The following RBM20 variants were observed in gnomAD, a reference collection of about 807,000 sequenced individuals.
The protein encoded by RBM20 is RNA-binding protein 20.
A neutral mutation model predicts 110.1 loss-of-function variants in RBM20; 51 were observed. The ratio of observed to expected loss-of-function variants is 0.46; its 90% CI spans 0.37 to 0.59. The LOEUF (loss-of-function observed/expected upper bound fraction) is 0.59, where lower values mean the gene tolerates loss of function less well. RBM20 is among the 20% of genes least tolerant of loss of function. The pLI, the probability that RBM20 is intolerant of heterozygous loss-of-function variation, is 0.00. For missense variants in RBM20, 1,512 were observed against 1,574.9 expected (o/e 0.96, Z 0.68); for synonymous variants, 589 against 618.2 (o/e 0.95, Z 0.70).
In RBM20 at chr10:110,802,009, A is replaced by C. The variant is rs150967895; in HGVS notation, c.1800+2091A>C. ...GCATTGTGTCTTCTTATTGGTTTGC[A>C]GGAGTTCTCTTAACTGGAGCACGTA... is the stretch of plus-strand genomic sequence containing the variant. On this transcript the variant is annotated intron_variant, in intron 7 of 13. Transcript: ENST00000369519. Among the ~76,000 whole-genome samples the C allele has an allele frequency of 1.7e-4, 26 of 152,200 alleles. No homozygotes were observed. The East Asian group carries it at 4.6e-3, about 27-fold the overall frequency.
intron 1 of RBM20, among the ~76,000 whole-genome samples, chr10:110,725,166 G>A (rs989329272): frequency 6.6e-6 from 1 of 152,214 alleles, no homozygotes; most frequent in Non-Finnish European, 1.5e-5. Context: ...GACCAAGAAT[G>A]TGCCAGAGTT....
rs572674173 is a variant in RBM20 at position 110,784,733 on chromosome 10, T to C, written c.1430-59T>C. On this transcript the variant is annotated intron_variant, in intron 4 of 13. Coordinates refer to ENST00000369519, the MANE Select transcript of RBM20 (RefSeq NM_001134363.3). ...TTTTCTATGCCTGCTTATGTCCTAA[T>C]AATGACTTTTGATGTTACATTCTGG... is the stretch of plus-strand genomic sequence containing the variant. 39 of 1,102,886 alleles carry C rather than the reference T, an allele frequency of 3.5e-5. No individual in the cohort carries two copies. The African/African-American group carries it at 4.8e-4, about 14-fold the overall frequency. The allele number at this position is 1,102,886 out of a possible 1,614,324, so 68.3% of individuals were successfully genotyped here. A position where few individuals can be genotyped will look rare whatever the true frequency, so the allele number is the denominator to read the frequency against.
chr10:110,673,246 C>T (rs1354768869), intron 1 of RBM20, among the ~76,000 whole-genome samples: 1 of 150,356 alleles, frequency 6.7e-6, no homozygotes, highest in Non-Finnish European at 1.5e-5. Context: ...GAGTCTTGTT[C>T]TGTTGCCCAG....
rs916644936 is a variant in RBM20 at position 110,837,564 on chromosome 10, T to G, written c.*1586T>G. 1 of 152,318 alleles carries G rather than the reference T, an allele frequency of 6.6e-6. No individual in the cohort carries two copies. Among genetic ancestry groups the G allele is most frequent in the Non-Finnish European group, 1.5e-5 (1 of 68,124 alleles). The allele number at this position is 152,318 out of a possible 1,614,324, so 9.4% of individuals were successfully genotyped here. ...ACTGAGAAGGGACTGTGTAGGGTTT[T>G]GTTTTGTTTTTTTTCATTTTCCTTT... is the stretch of plus-strand genomic sequence containing the variant. On this transcript the variant is annotated 3_prime_UTR_variant, in exon 14 of 14. Transcript: ENST00000369519.
At chr10:110,692,086 A>T (rs958611533) in intron 1 of RBM20, among the ~76,000 whole-genome samples, 9 of 151,244 alleles carry the variant, frequency 6.0e-5, no homozygotes, top group African/African-American at 1.9e-4. Flanking sequence ...ATATGTAAAG[A>T]TTTTTTTTTC....
intron 1 of RBM20, among the ~76,000 whole-genome samples, chr10:110,679,973 G>A (rs1184491983): frequency 3.3e-5 from 5 of 152,222 alleles, no homozygotes; most frequent in Non-Finnish European, 5.9e-5. Flanking sequence ...GACTGACACT[G>A]CCCCTTTTAA....
intron 1 of RBM20, among the ~76,000 whole-genome samples, chr10:110,700,287 ACATTTTTT>A (rs1368471555): frequency 2.6e-5 from 4 of 152,136 alleles, no homozygotes; most frequent in Non-Finnish European, 5.9e-5. Flanking sequence ...TATAGGTGCT[ACATTTTTT>A]CACTTGGGCG....
chr10:110,813,549 C>T (rs995839354), intron 9 of RBM20, among the ~76,000 whole-genome samples: 12 of 152,186 alleles, frequency 7.9e-5, no homozygotes, highest in Admixed American at 2.6e-4. Context: ...TAAAAATGCA[C>T]GGTGGCTGGG....
chr10:110,817,301 A>C (rs1844852536), intron 9 of RBM20, among the ~76,000 whole-genome samples: 1 of 152,228 alleles, frequency 6.6e-6, no homozygotes, highest in South Asian at 2.1e-4. Flanking sequence ...TTAGAGCAAG[A>C]CAAGTGTCTA....
intron 1 of RBM20, among the ~76,000 whole-genome samples, chr10:110,767,879 A>T (rs1439757694): frequency 6.6e-6 from 1 of 152,226 alleles, no homozygotes; most frequent in African/African-American, 2.4e-5. Context: ...CTCACGTCCC[A>T]GACGATGGGT....
intron 2 of RBM20, 52 bp from the exon 3 acceptor site, chr10:110,783,314 C>T: frequency 3.5e-6 from 5 of 1,424,912 alleles, no homozygotes; most frequent in Non-Finnish European, 4.8e-6. Flanking sequence ...CATCCTTTGC[C>T]TTCCCATGGA....
At chr10:110,813,675 A>G (rs1370306931) in intron 9 of RBM20, among the ~76,000 whole-genome samples, 1 of 151,990 alleles carries the variant, frequency 6.6e-6, no homozygotes, top group African/African-American at 2.4e-5. Context: ...TCTCTACTAA[A>G]AATACAAAAA....
At chr10:110,679,348 C>T (rs10787266) in intron 1 of RBM20, among the ~76,000 whole-genome samples, 91,758 of 151,928 alleles carry the variant, frequency 0.6, 29,145 homozygotes, top group Middle Eastern at 0.7. Context: ...CTCAGCCTCA[C>T]GAGTAGCTGG....
chr10:110,784,474 G>C (rs1165865393), intron 4 of RBM20, 42 bp downstream of exon 4: 1 of 1,413,334 alleles, frequency 7.1e-7, no homozygotes, highest in Non-Finnish European at 9.8e-7. Context: ...AGCAGAAGTG[G>C]GCTACCCACA....
rs886046707 is a variant in RBM20 at position 110,835,998 on chromosome 10, A to T, written c.*20A>T. ...CTCTGATGCTTCTGCTTCTGCTGCT[A>T]CTGCTGCTGCTGCAAGGTTGGAAAG... On this transcript the variant is annotated 3_prime_UTR_variant, in exon 14 of 14. Transcript: ENST00000369519. 14 of 928,996 alleles carry T rather than the reference A, an allele frequency of 1.5e-5. No homozygotes were observed. In the East Asian group the frequency reaches 3.9e-4, roughly 26 times the overall value. 57.5% of individuals were successfully genotyped at this position (928,996 alleles called of 1,614,324 possible). A position where few individuals can be genotyped will look rare whatever the true frequency, so the allele number is the denominator to read the frequency against.
intron 1 of RBM20, among the ~76,000 whole-genome samples, chr10:110,680,761 C>T (rs1399271925): frequency 6.6e-6 from 1 of 152,122 alleles, no homozygotes; most frequent in East Asian, 1.9e-4. Context: ...TGCACCTATA[C>T]CAGGTTTGAT....
chr10:110,822,549 C>T (rs762821971), intron 11 of RBM20: 10 of 450,350 alleles, frequency 2.2e-5, no homozygotes, highest in Admixed American at 7.2e-5. Flanking sequence ...GGCTAAGCCC[C>T]GTCTTCTCTG....
At chr10:110,824,385 T>A (rs1462690496) in intron 12 of RBM20, among the ~76,000 whole-genome samples, 3 of 152,154 alleles carry the variant, frequency 2.0e-5, no homozygotes, top group African/African-American at 7.2e-5. Context: ...TCTGAGGCAA[T>A]GATGCTGAAT....
chr10:110,753,779 TA>T (rs1843889141), intron 1 of RBM20, among the ~76,000 whole-genome samples: 1 of 152,242 alleles, frequency 6.6e-6, no homozygotes, highest in African/African-American at 2.4e-5. Flanking sequence ...CTGCAGGTTC[TA>T]GGGGGGAATC....
Sources: allele counts gnomAD v4.1 joint callset (sites outside exome capture counted in the v4.1 genomes callset), GRCh38; gene constraint gnomAD v4.1.1; transcripts MANE v1.5; gene names NCBI Gene and HGNC (gene_info 2026-07-23, HGNC 2026-07-21).